The following PPFIA2 variants were observed in gnomAD, a reference collection of about 807,000 sequenced individuals.
The protein encoded by PPFIA2 is PPFI scaffold protein A2.
A neutral mutation model predicts 175.5 loss-of-function variants in PPFIA2; 46 were observed. The observed-to-expected ratio is 0.26, with a 90% CI of 0.21 to 0.34. The LOEUF is 0.34. PPFIA2 is among the 10% of genes least tolerant of loss of function. PPFIA2 has a pLI of 1.00. For missense variants in PPFIA2, 1,179 were observed against 1,506.1 expected, an observed-to-expected ratio of 0.78 and a Z score of 3.60; for synonymous variants, 568 against 511.4, an observed-to-expected ratio of 1.11 and a Z score of -1.49.
At chr12:81,674,985 T>G (rs991610098) in intron 4 of PPFIA2, among the ~76,000 whole-genome samples, 1 of 151,998 alleles carries the variant, frequency 6.6e-6, no homozygotes, top group Non-Finnish European at 1.5e-5. Flanking sequence ...TAAGCCCTTA[T>G]GCACTCTGAA....
chr12:81,367,075 A>G, intron 14 of PPFIA2, 33 bp downstream of exon 14: 1 of 1,453,468 alleles, frequency 6.9e-7, no homozygotes, highest in Admixed American at 2.7e-5. Flanking sequence ...ATAAAAATAG[A>G]AAATGGGCCC....
chr12:81,309,443 T>C (rs1289095472), intron 22 of PPFIA2, among the ~76,000 whole-genome samples: 2 of 152,130 alleles, frequency 1.3e-5, no homozygotes, highest in African/African-American at 4.8e-5. Flanking sequence ...TAACTATACA[T>C]ATTTAGCTTC....
At chr12:81,262,441 T>A (rs1442359057) in intron 31 of PPFIA2, among the ~76,000 whole-genome samples, 1 of 152,208 alleles carries the variant, frequency 6.6e-6, no homozygotes, top group Admixed American at 6.5e-5. Flanking sequence ...TTCCACCGTA[T>A]TAACAAGTTG....
intron 13 of PPFIA2, among the ~76,000 whole-genome samples, 162 bp downstream of exon 13, chr12:81,368,563 C>CT (rs2034212823): frequency 6.6e-6 from 1 of 151,720 alleles, no homozygotes; most frequent in Admixed American, 6.6e-5. Context: ...TGATCTTACA[C>CT]TTTTTTAAAT....
At chr12:81,548,199 T>C (rs2067285900) in intron 4 of PPFIA2, among the ~76,000 whole-genome samples, 1 of 152,136 alleles carries the variant, frequency 6.6e-6, no homozygotes, top group South Asian at 2.1e-4. Flanking sequence ...CAAAGGCTAT[T>C]TTTCTAAACT....
chr12:81,377,841 G>A (rs2036734208), intron 9 of PPFIA2, among the ~76,000 whole-genome samples: 1 of 152,060 alleles, frequency 6.6e-6, no homozygotes, highest in South Asian at 2.1e-4. Flanking sequence ...GTGTACTGGG[G>A]CTAATAACAT....
At position 81,405,546 on chromosome 12, in the gene PPFIA2, A is replaced by G. The variant is rs531030574; in HGVS notation, c.762+241T>C. 8.6e-4 allele frequency among the ~76,000 whole-genome samples: 130 copies of G among 152,044 alleles called. 2 individuals carry two copies. Among genetic ancestry groups the G allele is most frequent in the Admixed American group, 4.1e-3 (62 of 15,264 alleles). On this transcript the variant is annotated intron_variant, in intron 8 of 32. Coordinates refer to ENST00000549396, the MANE Select transcript of PPFIA2 (RefSeq NM_003625.5). The stretch of plus-strand genomic sequence containing the variant: ...TAAATACTTTTAAGAAAATCAATTA[A>G]GAGCAGGTAAAAAATTTGAATATGT...
Position 81,325,882 on chromosome 12 carries a change from A to G in PPFIA2, c.2549-12T>C. On this transcript the variant is annotated splice_polypyrimidine_tract_variant and intron_variant, in intron 21 of 32. Coordinates refer to ENST00000549396, the MANE Select transcript of PPFIA2 (RefSeq NM_003625.5). The stretch of plus-strand genomic sequence containing the variant: ...CTCCATAAAGCCTCCTGTGAAGAGA[A>G]GTAACTAAGTATTCAGATTATGTTG... 1.9e-6 allele frequency: 3 copies of G among 1,573,606 alleles called. No individual in the cohort carries two copies. Among genetic ancestry groups the G allele is most frequent in the South Asian group, 1.1e-5 (1 of 90,016 alleles).
chr12:81,665,685 CT>C (rs2070067417), intron 4 of PPFIA2, among the ~76,000 whole-genome samples: 1 of 151,994 alleles, frequency 6.6e-6, no homozygotes, highest in African/African-American at 2.4e-5. Flanking sequence ...GTAAAAGATC[CT>C]GTTTTCATCA....
chr12:81,558,787 T>C (rs1036103778), intron 4 of PPFIA2, among the ~76,000 whole-genome samples: 2 of 152,176 alleles, frequency 1.3e-5, no homozygotes, highest in South Asian at 2.1e-4. Context: ...ATTTCCACTC[T>C]GGCTGGAGTG....
Position 81,594,962 on chromosome 12 carries a change from A to G in PPFIA2, c.303+81829T>C, listed in dbSNP as rs551623244. On this transcript the variant is annotated intron_variant, in intron 4 of 32. Coordinates refer to ENST00000549396, the MANE Select transcript of PPFIA2 (RefSeq NM_003625.5). ...AATATTTTCCCTGCTGTTGCTAGCAACTACTGACAAACTCCCATGAAAGTT... is the reference window on the plus strand; with the variant it reads ...AATATTTTCCCTGCTGTTGCTAGCAGCTACTGACAAACTCCCATGAAAGTT... Among the ~76,000 whole-genome samples, 5 of 152,166 alleles carry G rather than the reference A, an allele frequency of 3.3e-5. No homozygotes were observed. In the South Asian group the frequency reaches 1.0e-3, roughly 32 times the overall value.
At chr12:81,269,692 A>T (rs1215609776) in intron 28 of PPFIA2, among the ~76,000 whole-genome samples, 6 of 151,932 alleles carry the variant, frequency 3.9e-5, no homozygotes, top group African/African-American at 1.4e-4. Flanking sequence ...TGCCCGATTT[A>T]TTTTTTTTAG....
intron 8 of PPFIA2, among the ~76,000 whole-genome samples, chr12:81,403,251 AAAAGTT>A (rs2042361620): frequency 6.6e-6 from 1 of 152,204 alleles, no homozygotes; most frequent in African/African-American, 2.4e-5. Context: ...GGAAGTCAAA[AAAAGTT>A]AAAGACAATT....
intron 7 of PPFIA2, among the ~76,000 whole-genome samples, chr12:81,409,337 G>C (rs2043490896): frequency 6.6e-6 from 1 of 152,164 alleles, no homozygotes; most frequent in African/African-American, 2.4e-5. Flanking sequence ...CAAAACTTAT[G>C]TTGAAATGTA....
At chr12:81,696,629 C>T (rs2153595966) in intron 3 of PPFIA2, among the ~76,000 whole-genome samples, 1 of 152,182 alleles carries the variant, frequency 6.6e-6, no homozygotes. Flanking sequence ...GTCTCTTATA[C>T]TCATCCTGTG....
chr12:81,664,198 T>C lies in PPFIA2; in HGVS notation c.303+12593A>G, dbSNP rs539327775. Among the ~76,000 whole-genome samples the C allele has an allele frequency of 5.9e-5, 9 of 152,204 alleles. No individual in the cohort carries two copies. The East Asian group carries it at 1.5e-3, about 26-fold the overall frequency. On this transcript the variant is annotated intron_variant, in intron 4 of 32. Coordinates refer to ENST00000549396, the MANE Select transcript of PPFIA2 (RefSeq NM_003625.5). ...GCCAAAATTGGCAAATGGGATCTAA[T>C]TAAACTAAAGAGCTTCTGCACAGCA...
At chr12:81,439,912 A>T in intron 7 of PPFIA2, 60 bp downstream of exon 7, 1 of 1,314,180 alleles carries the variant, frequency 7.6e-7, no homozygotes, top group Non-Finnish European at 1.1e-6. Flanking sequence ...GACGTGAAAC[A>T]CAAGGGATGT....
intron 4 of PPFIA2, among the ~76,000 whole-genome samples, chr12:81,664,823 G>GTGGCA (rs2069783205): frequency 6.6e-6 from 1 of 152,228 alleles, no homozygotes; most frequent in South Asian, 2.1e-4. Context: ...TTAAGAAAAT[G>GTGGCA]TGGCACATAT....
chr12:81,622,327 C>T (rs910329478), intron 4 of PPFIA2, among the ~76,000 whole-genome samples: 15 of 152,104 alleles, frequency 9.9e-5, no homozygotes, highest in African/African-American at 2.9e-4. Flanking sequence ...AATAGCAATA[C>T]CCCAAATCAT....
Sources: gnomAD v4.1 joint callset for allele counts (sites outside exome capture counted in the v4.1 genomes callset) on GRCh38, gnomAD v4.1.1 for gene constraint, MANE v1.5 for transcripts, NCBI Gene and HGNC (gene_info 2026-07-23, HGNC 2026-07-21) for gene names.